Variants in ADAM18 observed in about 807,000 individuals in gnomAD.
The protein encoded by ADAM18 is ADAM metallopeptidase domain 18, also known as disintegrin and metalloproteinase domain-containing protein 18.
ADAM18 carries 117 observed loss-of-function variants against 94.4 expected under a neutral mutation model. The observed-to-expected ratio is 1.24, with a 90% CI of 1.07 to 1.45. The LOEUF (loss-of-function observed/expected upper bound fraction) is 1.45, where lower values mean the gene tolerates loss of function less well. ADAM18 is among the 40% of genes most tolerant of loss of function. ADAM18 has a pLI of 0.00. For missense variants in ADAM18, 936 were observed against 880.0 expected (o/e 1.06, Z -0.81); for synonymous variants, 327 against 291.6 (o/e 1.12, Z -1.24).
chr8:39,657,022 G>GTA (rs1046579689), intron 12 of ADAM18, among the ~76,000 whole-genome samples: 11 of 152,030 alleles, frequency 7.2e-5, no homozygotes, highest in Non-Finnish European at 1.6e-4. Flanking sequence ...TCAGTCTCAG[G>GTA]TATATATAAA....
chr8:39,700,057 C>T (rs1822021641), intron 17 of ADAM18, among the ~76,000 whole-genome samples: 1 of 152,128 alleles, frequency 6.6e-6, no homozygotes, highest in South Asian at 2.1e-4. Context: ...AATATTCTAT[C>T]TGTGTGTGAT....
Position 39,635,652 on chromosome 8 carries a change from C to T in ADAM18, c.589-1612C>T, listed in dbSNP as rs557928639. ...TAATTCAGTCCTCAATTATAAGATC[C>T]TACATTCCATTGAGTTGACATGTTT... On this transcript the variant is annotated intron_variant, in intron 7 of 19. Transcript: ENST00000265707. 1.1e-3 allele frequency among the ~76,000 whole-genome samples: 173 copies of T among 152,218 alleles called. 1 individual carries two copies. Among genetic ancestry groups the T allele is most frequent in the African/African-American group, 4.0e-3 (166 of 41,564 alleles).
chr8:39,727,534 C>T (rs1187928287), intron 19 of ADAM18, among the ~76,000 whole-genome samples: 1 of 152,196 alleles, frequency 6.6e-6, no homozygotes, highest in Non-Finnish European at 1.5e-5. Context: ...TTAGTTCAAG[C>T]TTCCACAGAT....
intron 14 of ADAM18, among the ~76,000 whole-genome samples, chr8:39,669,776 C>T (rs993912228): frequency 1.8e-4 from 27 of 152,146 alleles, no homozygotes; most frequent in South Asian, 4.2e-4. Flanking sequence ...TATAAACATG[C>T]GTGTGCATGT....
chr8:39,705,887 A>G (rs544934171), intron 17 of ADAM18, among the ~76,000 whole-genome samples: 1 of 152,136 alleles, frequency 6.6e-6, no homozygotes, highest in Non-Finnish European at 1.5e-5. Flanking sequence ...TATGAGAAGA[A>G]GTTCATAGTA....
At chr8:39,620,737 T>G (rs2129578794) in intron 6 of ADAM18, among the ~76,000 whole-genome samples, 1 of 151,402 alleles carries the variant, frequency 6.6e-6, no homozygotes, top group South Asian at 2.1e-4. Flanking sequence ...ACTGGAGGCC[T>G]TTATCTTAAA....
chr8:39,614,505 C>G (rs1403196548), intron 6 of ADAM18, among the ~76,000 whole-genome samples: 1 of 152,064 alleles, frequency 6.6e-6, no homozygotes, highest in Non-Finnish European at 1.5e-5. Flanking sequence ...CCATACAGGG[C>G]ACAAAAGAAC....
intron 6 of ADAM18, among the ~76,000 whole-genome samples, chr8:39,626,553 T>C (rs1819775709): frequency 6.6e-6 from 1 of 151,984 alleles, no homozygotes; most frequent in African/African-American, 2.4e-5. Context: ...CTATAAACTT[T>C]CCTCTCAGCG....
intron 13 of ADAM18, among the ~76,000 whole-genome samples, chr8:39,667,292 C>T (rs1183064077): frequency 6.6e-6 from 1 of 151,244 alleles, no homozygotes; most frequent in Non-Finnish European, 1.5e-5. Flanking sequence ...ATCCTAGCTA[C>T]TCGGGAGGCT....
At chr8:39,603,414 G>A (rs1308681304) in intron 2 of ADAM18, among the ~76,000 whole-genome samples, 1 of 152,150 alleles carries the variant, frequency 6.6e-6, no homozygotes, top group Non-Finnish European at 1.5e-5. Context: ...CCTGTGTCAA[G>A]CAAGTTACCT....
chr8:39,588,127 G>A (rs887842878), intron 2 of ADAM18, among the ~76,000 whole-genome samples: 2 of 151,980 alleles, frequency 1.3e-5, no homozygotes, highest in Non-Finnish European at 2.9e-5. Context: ...TTTTCATAAT[G>A]GCTGCACCAT....
intron 6 of ADAM18, among the ~76,000 whole-genome samples, chr8:39,622,335 G>T (rs1257935740): frequency 6.7e-6 from 1 of 149,138 alleles, no homozygotes; most frequent in Admixed American, 6.7e-5. Flanking sequence ...ATATATAATG[G>T]CCTCTAGAAA....
intron 10 of ADAM18, among the ~76,000 whole-genome samples, chr8:39,644,871 A>C (rs903947187): frequency 6.6e-6 from 1 of 152,192 alleles, no homozygotes; most frequent in Non-Finnish European, 1.5e-5. Flanking sequence ...CTATTTTTAC[A>C]TAGAAAGTTT....
chr8:39,656,345 T>C (rs1820682513), intron 12 of ADAM18, among the ~76,000 whole-genome samples: 1 of 152,140 alleles, frequency 6.6e-6, no homozygotes, highest in Non-Finnish European at 1.5e-5. Context: ...ATAAATATCA[T>C]TACTGTTTTG....
chr8:39,691,746 A>G (rs1189008457), intron 16 of ADAM18, among the ~76,000 whole-genome samples: 1 of 151,802 alleles, frequency 6.6e-6, no homozygotes, highest in African/African-American at 2.4e-5. Context: ...TAAATATCAT[A>G]TATTCTTACT....
At chr8:39,607,351 CTCTG>C (rs1032855385) in intron 3 of ADAM18, among the ~76,000 whole-genome samples, 6 of 152,198 alleles carry the variant, frequency 3.9e-5, no homozygotes, top group Non-Finnish European at 7.3e-5. Flanking sequence ...GTAGCCTCTT[CTCTG>C]TCTGCATCTT....
At position 39,706,905 on chromosome 8, in the gene ADAM18, G is replaced by T. The variant is rs183149445; in HGVS notation, c.2017+1G>T. 161 of 1,543,962 alleles carry T rather than the reference G, an allele frequency of 1.0e-4. 1 individual carries two copies. The East Asian group carries it at 3.3e-3, about 32-fold the overall frequency. Reference sequence around the variant, plus strand: ...GATGATGGAAATTTTCAGAAATCTGGTAAGTGGAAATTTGTTTTCTAAAGC... The same window carrying T: ...GATGATGGAAATTTTCAGAAATCTGTTAAGTGGAAATTTGTTTTCTAAAGC... On this transcript the variant is annotated splice_donor_variant, in intron 18 of 19. Coordinates refer to ENST00000265707, the MANE Select transcript of ADAM18 (RefSeq NM_014237.3). LOFTEE classifies it high-confidence loss of function.
intron 18 of ADAM18, 134 bp from the exon 19 acceptor site, chr8:39,723,614 G>C (rs554406990): frequency 9.2e-6 from 5 of 541,448 alleles, no homozygotes; most frequent in Non-Finnish European, 1.5e-5. Flanking sequence ...TTGCATTTAT[G>C]TTCTATTTTT....
intron 6 of ADAM18, among the ~76,000 whole-genome samples, chr8:39,619,000 C>A (rs891379957): frequency 6.6e-6 from 1 of 152,042 alleles, no homozygotes; most frequent in Non-Finnish European, 1.5e-5. Context: ...TTCAGGGGGT[C>A]TCCCTACAAA....
Sources: allele counts gnomAD v4.1 joint callset (sites outside exome capture counted in the v4.1 genomes callset), GRCh38; gene constraint gnomAD v4.1.1; transcripts MANE v1.5; gene names NCBI Gene and HGNC (gene_info 2026-07-23, HGNC 2026-07-21).